The following CNTNAP2 variants were observed in gnomAD, a reference collection of about 807,000 sequenced individuals.
CNTNAP2 encodes contactin associated protein 2, also known as contactin-associated protein-like 2.
Under a neutral mutation model 155.2 loss-of-function variants are expected in CNTNAP2, and 98 were observed. The observed-to-expected ratio is 0.63, with a 90% CI of 0.54 to 0.75. CNTNAP2 has a LOEUF of 0.75. Among genes scored for constraint, CNTNAP2 ranks in the 30% least tolerant of loss-of-function variants. The pLI is 0.00. For missense variants in CNTNAP2, 1,727 were observed against 1,688.1 expected, an observed-to-expected ratio of 1.02 and a Z score of -0.40; for synonymous variants, 651 against 631.2, an observed-to-expected ratio of 1.03 and a Z score of -0.47.
intron 8 of CNTNAP2, among the ~76,000 whole-genome samples, chr7:147,290,227 T>C (rs1386357735): frequency 6.6e-6 from 1 of 152,208 alleles, no homozygotes; most frequent in Non-Finnish European, 1.5e-5. Context: ...TGAACTCATG[T>C]TCAACAGCAT....
chr7:146,865,554 A>G (rs1795188221), intron 3 of CNTNAP2, among the ~76,000 whole-genome samples: 1 of 152,152 alleles, frequency 6.6e-6, no homozygotes, highest in Non-Finnish European at 1.5e-5. Flanking sequence ...GCAGAAGAGA[A>G]TAGTCTTTTC....
intron 13 of CNTNAP2, among the ~76,000 whole-genome samples, chr7:147,861,785 G>A (rs867184425): frequency 8.5e-5 from 13 of 152,058 alleles, no homozygotes; most frequent in Non-Finnish European, 8.8e-5. Flanking sequence ...GGAGGCTGAG[G>A]CATGAGGATC....
chr7:148,047,242 C>T (rs1052743167), intron 15 of CNTNAP2, among the ~76,000 whole-genome samples: 3 of 152,114 alleles, frequency 2.0e-5, no homozygotes, highest in African/African-American at 7.2e-5. Context: ...GAACCATTGC[C>T]CCTAGAGGGA....
At chr7:147,759,329 G>A (rs561757766) in intron 13 of CNTNAP2, among the ~76,000 whole-genome samples, 1 of 152,250 alleles carries the variant, frequency 6.6e-6, no homozygotes, top group Admixed American at 6.5e-5. Context: ...GTTTCTCTGA[G>A]CATATTGTTT....
intron 1 of CNTNAP2, among the ~76,000 whole-genome samples, chr7:146,255,398 G>A (rs573318512): frequency 1.3e-4 from 20 of 152,294 alleles, no homozygotes; most frequent in South Asian, 8.3e-4. Context: ...AGAATTTTCC[G>A]TCAGTACCTC....
At position 148,415,584 on chromosome 7, in the gene CNTNAP2, A is replaced by G; in HGVS notation, c.3964A>G (p.Ile1322Val). The change falls in exon 24 of 24, where the codon ATT becomes GTT. Residue 1322 changes from isoleucine (I) to valine (V), a missense_variant. Coordinates refer to ENST00000361727, the MANE Select transcript of CNTNAP2 (RefSeq NM_014141.6). ...CAACGACCCCAACTTCACAGAGACC[A>G]TTGATGAAAGCAAAAAGGAATGGCT... is the stretch of plus-strand genomic sequence containing the variant. ...MNNDPNFTET[I>V]DESKKEWLI The G allele has an allele frequency of 6.2e-7, 1 of 1,614,220 alleles. No individual in the cohort carries two copies. The highest frequency in any genetic ancestry group is 8.5e-7 in the Non-Finnish European group (1 of 1,180,044).
intron 3 of CNTNAP2, among the ~76,000 whole-genome samples, chr7:146,860,040 T>A (rs1450582756): frequency 6.6e-6 from 1 of 152,152 alleles, no homozygotes; most frequent in African/African-American, 2.4e-5. Context: ...TGAAACAAGA[T>A]TTTAAATAGA....
At chr7:147,605,636 C>A (rs921774586) in intron 12 of CNTNAP2, among the ~76,000 whole-genome samples, 14 of 152,080 alleles carry the variant, frequency 9.2e-5, no homozygotes, top group Non-Finnish European at 1.2e-4. Flanking sequence ...TGATGAGATT[C>A]CCAGAGAGAC....
intron 10 of CNTNAP2, among the ~76,000 whole-genome samples, chr7:147,431,406 G>A (rs1469215844): frequency 6.6e-6 from 1 of 152,028 alleles, no homozygotes; most frequent in African/African-American, 2.4e-5. Context: ...ATATTGCACT[G>A]CTAGCTTCAA....
At chr7:146,994,061 C>G (rs1798259060) in intron 3 of CNTNAP2, among the ~76,000 whole-genome samples, 1 of 152,128 alleles carries the variant, frequency 6.6e-6, no homozygotes, top group East Asian at 1.9e-4. Flanking sequence ...GGGGTACTCA[C>G]TTTCTGTAGA....
intron 22 of CNTNAP2, among the ~76,000 whole-genome samples, chr7:148,391,590 A>G (rs1266739426): frequency 6.6e-6 from 1 of 152,224 alleles, no homozygotes. Flanking sequence ...TACAAGGTAG[A>G]AAAAGTAACC....
intron 13 of CNTNAP2, among the ~76,000 whole-genome samples, chr7:147,886,684 G>A (rs1799605879): frequency 6.6e-6 from 1 of 151,876 alleles, no homozygotes; most frequent in African/African-American, 2.4e-5. Flanking sequence ...TGGGACCTGA[G>A]GCACTACATA....
intron 1 of CNTNAP2, among the ~76,000 whole-genome samples, chr7:146,733,282 C>A (rs1801556836): frequency 6.6e-6 from 1 of 151,994 alleles, no homozygotes; most frequent in South Asian, 2.1e-4. Context: ...TCAAATTTAC[C>A]TATTTCCCAT....
chr7:147,751,568 G>A (rs746333558), intron 13 of CNTNAP2, among the ~76,000 whole-genome samples: 10 of 152,124 alleles, frequency 6.6e-5, no homozygotes, highest in East Asian at 3.9e-4. Flanking sequence ...GGCAATCATC[G>A]TCCCTTAACA....
chr7:147,460,410 C>T (rs1259926631), intron 10 of CNTNAP2, among the ~76,000 whole-genome samples: 6 of 152,198 alleles, frequency 3.9e-5, no homozygotes, highest in African/African-American at 7.2e-5. Context: ...AGTGCTACCT[C>T]GCCCCCCTAC....
Position 147,983,079 on chromosome 7 carries a change from G to T in CNTNAP2, c.2383+5090G>T, listed in dbSNP as rs533316074. On this transcript the variant is annotated intron_variant, in intron 15 of 23. Transcript: ENST00000361727. ...AATAAGGCAATGCCTCGGTCTCCAC[G>T]TTGTTTCTGTACCAATGAAACATTT... Among the ~76,000 whole-genome samples, 5 of 148,616 alleles carry T rather than the reference G, an allele frequency of 3.4e-5. No individual in the cohort carries two copies. The South Asian group carries it at 1.1e-3, about 32-fold the overall frequency.
chr7:146,352,956 C>T (rs565316763), intron 1 of CNTNAP2, among the ~76,000 whole-genome samples: 2 of 151,484 alleles, frequency 1.3e-5, no homozygotes, highest in South Asian at 2.1e-4. Flanking sequence ...GGATTTCACC[C>T]TGTTAGCCAG....
chr7:147,521,876 T>G (rs1026866287), intron 11 of CNTNAP2, among the ~76,000 whole-genome samples: 6 of 152,232 alleles, frequency 3.9e-5, no homozygotes, highest in Non-Finnish European at 1.5e-5. Context: ...ATATCCCTCA[T>G]GCAGAACTGA....
intron 11 of CNTNAP2, among the ~76,000 whole-genome samples, chr7:147,554,973 G>A (rs1352559987): frequency 2.6e-5 from 4 of 152,178 alleles, no homozygotes; most frequent in Admixed American, 6.5e-5. Flanking sequence ...GAATTAGAGA[G>A]CTTTCACTGA....
Sources: allele counts gnomAD v4.1 joint callset (sites outside exome capture counted in the v4.1 genomes callset), GRCh38; gene constraint gnomAD v4.1.1; transcripts MANE v1.5; gene names NCBI Gene and HGNC (gene_info 2026-07-23, HGNC 2026-07-21).